RMP64: variants seen among roughly 807,000 people sequenced by gnomAD.
RMP64 encodes ribonuclease MRP subunit p64.
chr3:113,007,747 A>G, the RMP64 span, among the ~76,000 whole-genome samples: 2 of 152,218 alleles, frequency 1.3e-5, no homozygotes, highest in Non-Finnish European at 2.9e-5. Flanking sequence ...GGCCTCATGG[A>G]AGGCAGGCAC....
the RMP64 span, among the ~76,000 whole-genome samples, chr3:113,010,157 T>C: frequency 3.9e-5 from 6 of 152,324 alleles, no homozygotes; most frequent in African/African-American, 1.4e-4. Flanking sequence ...CCGTAGCTAA[T>C]AACATCTAAC....
At chr3:113,011,061 A>T in the RMP64 span, 1 of 1,598,364 alleles carries the variant, frequency 6.3e-7, no homozygotes, top group Non-Finnish European at 8.5e-7. Context: ...AGACTCTCTT[A>T]TTCTTTACTG....
At chr3:113,017,407 T>C in the RMP64 span, 172 of 1,558,302 alleles carry the variant, frequency 1.1e-4, no homozygotes, top group Admixed American at 3.1e-3. Flanking sequence ...ATCTACATTT[T>C]CAAGTGAACA....
At chr3:113,010,556 G>A in the RMP64 span, 2 of 1,097,664 alleles carry the variant, frequency 1.8e-6, no homozygotes, top group Middle Eastern at 2.0e-4. Context: ...GGGATAAAAT[G>A]AAAAGATTCA....
chr3:113,016,769 A>C, the RMP64 span, among the ~76,000 whole-genome samples: 1 of 152,226 alleles, frequency 6.6e-6, no homozygotes, highest in Non-Finnish European at 1.5e-5. Context: ...TGGCACACAG[A>C]AAGTTCAAAA....
the RMP64 span, among the ~76,000 whole-genome samples, chr3:113,018,786 C>CA: frequency 2.6e-5 from 4 of 152,194 alleles, no homozygotes; most frequent in Non-Finnish European, 5.9e-5. Flanking sequence ...TTCATCCCCC[C>CA]AAACAGCCCT....
At chr3:113,009,166 G>T in the RMP64 span, among the ~76,000 whole-genome samples, 1 of 151,926 alleles carries the variant, frequency 6.6e-6, no homozygotes, top group East Asian at 1.9e-4. Flanking sequence ...TTCTGACAAG[G>T]CACCTTTACT....
chr3:113,010,860 A>G, the RMP64 span, among the ~76,000 whole-genome samples: 4 of 152,164 alleles, frequency 2.6e-5, no homozygotes, highest in African/African-American at 9.7e-5. Context: ...AAACAAATAA[A>G]CAACTTAAAG....
the RMP64 span, among the ~76,000 whole-genome samples, chr3:113,017,832 G>A: frequency 6.6e-6 from 1 of 152,310 alleles, no homozygotes; most frequent in African/African-American, 2.4e-5. Context: ...TGTAAAACAA[G>A]AAGCTGTATC....
the RMP64 span, chr3:113,017,669 C>A: frequency 1.2e-5 from 16 of 1,379,736 alleles, no homozygotes; most frequent in Admixed American, 1.0e-4. Flanking sequence ...ATTAAAAACA[C>A]ACTAAAAAAA....
At chr3:113,016,876 A>G in the RMP64 span, among the ~76,000 whole-genome samples, 1 of 152,232 alleles carries the variant, frequency 6.6e-6, no homozygotes, top group South Asian at 2.1e-4. Context: ...GCATATCAGG[A>G]AGCCAGCTTA....
chr3:113,002,648 G>A, the RMP64 span: 1 of 120,690 alleles, frequency 8.3e-6, no homozygotes, highest in African/African-American at 3.2e-5. Flanking sequence ...CTTAAGGCCA[G>A]GATTTACAGT....
At chr3:113,015,525 A>G in the RMP64 span, among the ~76,000 whole-genome samples, 2 of 152,024 alleles carry the variant, frequency 1.3e-5, no homozygotes, top group African/African-American at 4.8e-5. Context: ...GAGATAGGGA[A>G]GTTTCTAATA....
the RMP64 span, chr3:113,005,875 C>A: frequency 6.2e-7 from 1 of 1,613,654 alleles, no homozygotes; most frequent in African/African-American, 1.3e-5. Context: ...TCTGTGGTTT[C>A]CTTTGTCTCC....
chr3:113,018,125 G>C, the RMP64 span, among the ~76,000 whole-genome samples: 1 of 152,172 alleles, frequency 6.6e-6, no homozygotes. Context: ...CACAGTAACT[G>C]GAAATCGTAT....
At chr3:113,011,475 A>C in the RMP64 span, 5 of 1,364,150 alleles carry the variant, frequency 3.7e-6, no homozygotes, top group Admixed American at 1.2e-4. Flanking sequence ...AATAAACTGC[A>C]AGATTGAAAG....
the RMP64 span, chr3:113,011,157 T>C: frequency 6.2e-7 from 1 of 1,613,716 alleles, no homozygotes; most frequent in Non-Finnish European, 8.5e-7. Flanking sequence ...CTTCACTGGC[T>C]CTTGGTGACT....
At chr3:113,013,385 A>C in the RMP64 span, 1 of 1,605,460 alleles carries the variant, frequency 6.2e-7, no homozygotes, top group Non-Finnish European at 8.5e-7. Flanking sequence ...ATACTTTGGT[A>C]GTTAAGGGCT....
At chr3:113,014,232 C>T in the RMP64 span, 11 of 466,446 alleles carry the variant, frequency 2.4e-5, no homozygotes, top group Non-Finnish European at 3.5e-5. Flanking sequence ...ATTTATCCAG[C>T]CAAACACATT....
Sources: allele counts gnomAD v4.1 joint callset (sites outside exome capture counted in the v4.1 genomes callset), GRCh38; gene constraint gnomAD v4.1.1; transcripts MANE v1.5; gene names NCBI Gene and HGNC (gene_info 2026-07-23, HGNC 2026-07-21).